The following FAT1 variants were observed in gnomAD, a reference collection of about 807,000 sequenced individuals.
FAT1 encodes the protein protocadherin Fat 1.
Under a neutral mutation model 329.8 loss-of-function variants are expected in FAT1, and 171 were observed. That is an observed-to-expected ratio of 0.52 (90% confidence interval 0.46 to 0.59). The LOEUF is 0.59. Ranked by LOEUF, FAT1 falls within the 20% of genes least tolerant of loss-of-function variation. The pLI, the probability that FAT1 is intolerant of heterozygous loss-of-function variation, is 0.00. For synonymous variants in FAT1, 2,233 were observed against 2,228.6 expected (o/e 1.00, Z -0.06); for missense variants, 5,672 against 5,774.4 (o/e 0.98, Z 0.57).
chr4:186,679,033 G>A (rs1467301968), intron 2 of FAT1, among the ~76,000 whole-genome samples: 1 of 151,930 alleles, frequency 6.6e-6, no homozygotes, highest in African/African-American at 2.4e-5. Flanking sequence ...AATTACATGT[G>A]CCCTGTAATT....
chr4:186,641,323 G>C (rs936261833), intron 3 of FAT1, among the ~76,000 whole-genome samples: 1 of 152,188 alleles, frequency 6.6e-6, no homozygotes. Flanking sequence ...CAGTGCTTAC[G>C]GGTGTAAAAA....
intron 26 of FAT1, chr4:186,590,275 C>T: frequency 1.4e-6 from 1 of 728,780 alleles, no homozygotes. Flanking sequence ...GCTGCAAACA[C>T]TGGGCGACCC....
At chr4:186,602,776 T>C in intron 20 of FAT1, 127 bp downstream of exon 20, 1 of 1,047,916 alleles carries the variant, frequency 9.5e-7, no homozygotes. Flanking sequence ...TTTATTCATC[T>C]CCACATCTGT....
At chr4:186,663,724 G>A (rs1742295826) in intron 2 of FAT1, 111 bp from the exon 3 acceptor site, 2 of 796,760 alleles carry the variant, frequency 2.5e-6, no homozygotes, top group Non-Finnish European at 3.9e-6. Flanking sequence ...CTCTTACTAG[G>A]TGCATAACCT....
At position 186,617,809 on chromosome 4, in the gene FAT1, G is replaced by C. The variant is rs1224550518; in HGVS notation, c.8777C>G (p.Thr2926Ser). The C allele has an allele frequency of 1.9e-6, 3 of 1,613,994 alleles. No individual in the cohort carries two copies. The Admixed American group carries it at 5.0e-5, about 27-fold the overall frequency. ...ACCTTGGGGGTCATCCTCACTCACAGTCCCTTTATAGATCTCGGCCGTGAA... is the reference window on the plus strand; with the variant it reads ...ACCTTGGGGGTCATCCTCACTCACACTCCCTTTATAGATCTCGGCCGTGAA... ...PRFTAEIYKG[T>S]VSEDDPQGGV... The change falls in exon 10 of 27, where the codon ACT becomes AGT. Residue 2926 changes from threonine (T) to serine (S), a missense_variant. By Grantham distance (58) the Thr-to-Ser change is moderately conservative. Around this residue, in one of 2 missense-constraint regions of FAT1, gnomAD observed 3,966 missense variants for 3,915.2 expected, o/e 1.01. Transcript: ENST00000441802.
intron 7 of FAT1, among the ~76,000 whole-genome samples, chr4:186,630,452 A>C (rs1247526626): frequency 6.6e-6 from 1 of 151,968 alleles, no homozygotes; most frequent in Non-Finnish European, 1.5e-5. Context: ...CAGAGCCTCG[A>C]CTCCAGAACT....
At position 186,619,276 on chromosome 4, in the gene FAT1, T is replaced by C. The variant is rs1331290264; in HGVS notation, c.7310A>G (p.His2437Arg). The change falls in exon 10 of 27, where the codon CAT becomes CGT. Residue 2437 changes from histidine to arginine, a missense_variant. Around this residue, in one of 2 missense-constraint regions of FAT1, gnomAD observed 3,966 missense variants for 3,915.2 expected, o/e 1.01. Coordinates refer to ENST00000441802, the MANE Select transcript of FAT1 (RefSeq NM_005245.4). The stretch of plus-strand genomic sequence containing the variant: ...CCCTGTTGCACTGTCAATGACAAAA[T>C]GTTTATGATCATTGCCAGACAGAAT... The part of the protein sequence containing the change: ...YSILSGNDHK[H>R]FVIDSATGII... 5 of 1,613,992 alleles carry C rather than the reference T, an allele frequency of 3.1e-6. No homozygotes were observed. Among genetic ancestry groups the C allele is most frequent in the South Asian group, 1.1e-5 (1 of 91,072 alleles).
chr4:186,715,179 C>A (rs1179805191), intron 1 of FAT1, among the ~76,000 whole-genome samples: 1 of 151,010 alleles, frequency 6.6e-6, no homozygotes, highest in African/African-American at 2.5e-5. Flanking sequence ...GACACACAGA[C>A]CATGGCCAAC....
At chr4:186,660,475 C>T (rs1483712432) in intron 3 of FAT1, among the ~76,000 whole-genome samples, 1 of 152,234 alleles carries the variant, frequency 6.6e-6, no homozygotes, top group Non-Finnish European at 1.5e-5. Context: ...GAGTTTTTAA[C>T]ATACTTCACA....
rs1186176635 is a variant in FAT1, at chr4:186,708,043, A to C, written c.1785T>G (p.Asp595Glu). Residue 595 changes from aspartate (D) to glutamate (E), a missense_variant, in exon 2 of 27, where the codon GAT (aspartate) becomes GAG (glutamate). Asp to Glu is a conservative substitution (Grantham distance 45). Around this residue, in one of 2 missense-constraint regions of FAT1, gnomAD observed 3,966 missense variants for 3,915.2 expected, o/e 1.01. Transcript: ENST00000441802. ...GEQITTVSAI[D>E]ADELQLVQYQ... is the part of the protein sequence containing the mutation. Reference sequence around the variant, plus strand: ...ACTGTACCAACTGAAGTTCATCTGCATCAATAGCAGAAACAGTGGTTATTT... The same window carrying C: ...ACTGTACCAACTGAAGTTCATCTGCCTCAATAGCAGAAACAGTGGTTATTT... 1 of 1,614,008 alleles carries C rather than the reference A, an allele frequency of 6.2e-7. No homozygotes were observed. The highest frequency in any genetic ancestry group is 1.1e-5 in the South Asian group (1 of 91,082).
chr4:186,646,631 G>A lies in FAT1; in HGVS notation c.3581-6848C>T, dbSNP rs147289082. Among the ~76,000 whole-genome samples, 438 of 151,500 alleles carry A rather than the reference G, an allele frequency of 2.9e-3. 4 individuals carry two copies. Among genetic ancestry groups the A allele is most frequent in the African/African-American group, 9.8e-3 (403 of 41,250 alleles). The stretch of plus-strand genomic sequence containing the variant: ...GTCAAAACTAAAAACTTTAACATCT[G>A]CAATATTCAAAATCCTTTTCTGTGG... On this transcript the variant is annotated intron_variant, in intron 3 of 26. Coordinates refer to ENST00000441802, the MANE Select transcript of FAT1 (RefSeq NM_005245.4).
At chr4:186,672,970 G>C (rs1238887834) in intron 2 of FAT1, among the ~76,000 whole-genome samples, 1 of 152,146 alleles carries the variant, frequency 6.6e-6, no homozygotes, top group African/African-American at 2.4e-5. Context: ...GAGGGAAAAG[G>C]AATGGACTTA....
At chr4:186,594,072 A>AT (rs955083482) in intron 26 of FAT1, among the ~76,000 whole-genome samples, 73 of 147,314 alleles carry the variant, frequency 5.0e-4, no homozygotes, top group South Asian at 8.6e-4. Context: ...ACTTGGGACT[A>AT]TTTTTTTTTT....
chr4:186,677,858 A>G (rs1338909739), intron 2 of FAT1, among the ~76,000 whole-genome samples: 4 of 152,208 alleles, frequency 2.6e-5, no homozygotes, highest in African/African-American at 9.6e-5. Flanking sequence ...GAGACATTAA[A>G]AGACTATATA....
At chr4:186,714,170 GCAGT>G (rs1176841285) in intron 1 of FAT1, among the ~76,000 whole-genome samples, 4 of 152,228 alleles carry the variant, frequency 2.6e-5, no homozygotes, top group African/African-American at 9.6e-5. Flanking sequence ...GGCGACCAGA[GCAGT>G]CAGAGGCTGC....
At chr4:186,652,189 C>G (rs756019737) in intron 3 of FAT1, among the ~76,000 whole-genome samples, 1 of 152,108 alleles carries the variant, frequency 6.6e-6, no homozygotes, top group Non-Finnish European at 1.5e-5. Flanking sequence ...AACATAAGAT[C>G]GACAGCAAAA....
intron 2 of FAT1, among the ~76,000 whole-genome samples, chr4:186,682,916 G>A (rs1743295199): frequency 6.6e-6 from 1 of 152,222 alleles, no homozygotes; most frequent in African/African-American, 2.4e-5. Flanking sequence ...GAAAAAGGAA[G>A]AGTGTGTGCC....
At position 186,708,328 on chromosome 4, in the gene FAT1, G is replaced by A. The variant is rs1457778952; in HGVS notation, c.1500C>T (p.Tyr500=). Residue 500 remains tyrosine (Y), a synonymous_variant, in exon 2 of 27, where the codon TAC becomes TAT. Transcript: ENST00000441802. Reference sequence around the variant, plus strand: ...GCACATGATTTAAATTTGCGATACTGTATGTCACGTACCCGTTCTCACCCT... The same window carrying A: ...GCACATGATTTAAATTTGCGATACTATATGTCACGTACCCGTTCTCACCCT... ...PDEGENGYVT[Y]SIANLNHVPF... The A allele has an allele frequency of 3.1e-6, 5 of 1,613,932 alleles. No individual in the cohort carries two copies. The highest frequency in any genetic ancestry group is 4.2e-6 in the Non-Finnish European group (5 of 1,179,862).
chr4:186,642,187 C>T (rs1428527152), intron 3 of FAT1, among the ~76,000 whole-genome samples: 2 of 152,132 alleles, frequency 1.3e-5, no homozygotes, highest in Non-Finnish European at 2.9e-5. Flanking sequence ...TCCACTTCAG[C>T]CTGAGTCACT....
Sources: gnomAD v4.1 joint callset for allele counts (sites outside exome capture counted in the v4.1 genomes callset) on GRCh38, gnomAD v4.1.1 for gene constraint, gnomAD v4.1.1 regional missense constraint, MANE v1.5 for transcripts, NCBI Gene and HGNC (gene_info 2026-07-23, HGNC 2026-07-21) for gene names.